Variants in TMEM101 observed in about 807,000 individuals in gnomAD.
The protein encoded by TMEM101 is transmembrane protein 101, also known as putative NF-kappa-B-activating protein 130.
A neutral mutation model predicts 26.0 loss-of-function variants in TMEM101; 14 were observed. The observed-to-expected ratio is 0.54, with a 90% confidence interval of 0.36 to 0.84. TMEM101 has a LOEUF of 0.84. Ranked by LOEUF, TMEM101 falls within the 40% of genes least tolerant of loss-of-function variation. The probability of loss-of-function intolerance (pLI) is 0.01; values close to 1 mark genes in which losing one functional copy is unlikely to be tolerated. For missense variants in TMEM101, 292 were observed against 345.1 expected (o/e 0.85, Z 1.22); for synonymous variants, 152 against 145.1 (o/e 1.05, Z -0.34).
chr17:44,023,018 GAT>G, intron 1 of TMEM101: 1 of 282,432 alleles, frequency 3.5e-6, no homozygotes, highest in Non-Finnish European at 6.8e-6. Flanking sequence ...AGGGAAAAGA[GAT>G]ATATATATTT....
chr17:44,022,601 T>G (rs796171383), intron 1 of TMEM101, among the ~76,000 whole-genome samples: 1 of 152,202 alleles, frequency 6.6e-6, no homozygotes, highest in Admixed American at 6.5e-5. Flanking sequence ...CAGCATCCCC[T>G]TTACCAACTG....
chr17:44,015,078 G>T (rs780359026), upstream of TMEM101: 14 of 1,349,492 alleles, frequency 1.0e-5, no homozygotes, highest in Non-Finnish European at 1.4e-5. Flanking sequence ...TCATTCTCTA[G>T]TTCCGGATCT....
upstream of TMEM101, among the ~76,000 whole-genome samples, chr17:44,016,174 GC>G (rs1407611394): frequency 1.3e-5 from 2 of 151,520 alleles, no homozygotes; most frequent in South Asian, 2.1e-4. Flanking sequence ...ACATATATAT[GC>G]TTTTTTTTTA....
At chr17:44,014,322 C>G (rs1380787787) in intron 2 of TMEM101, 35 bp downstream of exon 2, 10 of 1,535,246 alleles carry the variant, frequency 6.5e-6, no homozygotes. Context: ...CCCCGTCACC[C>G]AGAGGGAAGA....
chr17:44,012,330 G>A (rs1231758323), intron 3 of TMEM101, 94 bp from the exon 4 acceptor site: 7 of 1,220,906 alleles, frequency 5.7e-6, no homozygotes, highest in Non-Finnish European at 7.9e-6. Flanking sequence ...ATGAGTCCCT[G>A]CAGATGGGCT....
At position 44,013,172 on chromosome 17, in the gene TMEM101, G is replaced by C. The variant is rs2049184853; in HGVS notation, c.319-17C>G. ...CATACGGACCTAGGCCGGGGTAAGGGGACCCCAGTCAAGAACTGCAGCCGC... is the reference window on the plus strand; with the variant it reads ...CATACGGACCTAGGCCGGGGTAAGGCGACCCCAGTCAAGAACTGCAGCCGC... On this transcript the variant is annotated splice_polypyrimidine_tract_variant and intron_variant, in intron 2 of 3. Coordinates refer to ENST00000206380, the MANE Select transcript of TMEM101 (RefSeq NM_032376.4). The C allele has an allele frequency of 6.6e-7, 1 of 1,526,010 alleles. No individual in the cohort carries two copies. Among genetic ancestry groups the C allele is most frequent in the Admixed American group, 1.8e-5 (1 of 54,198 alleles). The allele number at this position is 1,526,010 out of a possible 1,614,324, so 94.5% of individuals were successfully genotyped here. A position where few individuals can be genotyped will look rare whatever the true frequency, so the allele number is the denominator to read the frequency against.
intron 2 of TMEM101, 120 bp downstream of exon 2, chr17:44,014,237 T>C (rs950996514): frequency 1.5e-5 from 19 of 1,245,936 alleles, no homozygotes; most frequent in Non-Finnish European, 2.0e-5. Flanking sequence ...GGTTCGAACC[T>C]CCCAGGCTTC....
chr17:44,017,742 G>A (rs1364995817), upstream of TMEM101, among the ~76,000 whole-genome samples: 5 of 148,232 alleles, frequency 3.4e-5, no homozygotes, highest in Non-Finnish European at 3.0e-5. Context: ...CAGCCTGGGC[G>A]ACAAGAGCGA....
upstream of TMEM101, among the ~76,000 whole-genome samples, chr17:44,015,508 C>T (rs796434584): frequency 7.9e-5 from 12 of 152,314 alleles, 2 homozygotes; most frequent in African/African-American, 2.9e-4. Context: ...ATTCTCCTGC[C>T]TCAGCCTCCT....
upstream of TMEM101, chr17:44,019,262 G>C (rs889166999): frequency 5.0e-6 from 2 of 403,590 alleles, no homozygotes; most frequent in Non-Finnish European, 9.8e-6. Flanking sequence ...TTCACCACCA[G>C]ACTGGGAAGC....
upstream of TMEM101, chr17:44,019,371 G>A (rs139916470): frequency 2.9e-3 from 1,248 of 434,422 alleles, 17 homozygotes; most frequent in African/African-American, 0.023. Flanking sequence ...CTCCAGAGTC[G>A]GCCACTCGTC....
At position 44,012,150 on chromosome 17, in the gene TMEM101, G is replaced by A. The variant is rs751760680; in HGVS notation, c.552C>T (p.Phe184=). The change falls in exon 4 of 4, where the codon TTC becomes TTT. Residue 184 remains phenylalanine (F), a synonymous_variant. Transcript: ENST00000206380. ...CCAGGGCCAGGATGCCATACAGCAC[G>A]AAGAACAGCTGGATCATCAGCTCCC... is the stretch of plus-strand genomic sequence containing the variant. ...PGGELMIQLF[F]VLYGILALAF... 50 of 1,614,120 alleles carry A rather than the reference G, an allele frequency of 3.1e-5. No homozygotes were observed. The highest frequency in any genetic ancestry group is 1.3e-4 in the East Asian group (6 of 44,904).
chr17:44,017,436 C>CAA (rs71160077), upstream of TMEM101, among the ~76,000 whole-genome samples: 31,780 of 150,276 alleles, frequency 0.21, 3,650 homozygotes, highest in African/African-American at 0.28. Context: ...ACTAAAAATA[C>CAA]AAAAAAAATT....
chr17:44,017,379 T>C (rs562237872), upstream of TMEM101, among the ~76,000 whole-genome samples: 2 of 149,454 alleles, frequency 1.3e-5, no homozygotes, highest in Non-Finnish European at 3.0e-5. Flanking sequence ...GATCACGAGG[T>C]CAGGAGATCG....
chr17:44,020,265 C>A (rs1234721233), intron 2 of TMEM101, among the ~76,000 whole-genome samples: 1 of 152,142 alleles, frequency 6.6e-6, no homozygotes, highest in African/African-American at 2.4e-5. Flanking sequence ...GGTATTGCCA[C>A]CTGTAGGATT....
Position 44,012,092 on chromosome 17 carries a change from C to A in TMEM101, c.610G>T (p.Ala204Ser). The change falls in exon 4 of 4, where the codon GCC (alanine) becomes TCC (serine). Residue 204 changes from alanine (A) to serine (S), a missense_variant. Physicochemically the swap from Ala to Ser is moderately conservative, Grantham distance 99. Transcript: ENST00000206380. Reference sequence around the variant, plus strand: ...GGCAGCAGTACAGCCAGGATCTGGGCAGCGAGGGTCACGTAGTAGCCTGAC... The same window carrying A: ...GGCAGCAGTACAGCCAGGATCTGGGAAGCGAGGGTCACGTAGTAGCCTGAC... ...FLSGYYVTLAAQILAVLLPPV... is the reference protein window; with the variant it reads ...FLSGYYVTLASQILAVLLPPV... The A allele has an allele frequency of 6.2e-7, 1 of 1,614,230 alleles. No homozygotes were observed. The highest frequency in any genetic ancestry group is 1.1e-5 in the South Asian group (1 of 91,084).
upstream of TMEM101, among the ~76,000 whole-genome samples, chr17:44,019,921 C>T (rs2049271078): frequency 6.6e-6 from 1 of 152,188 alleles, no homozygotes; most frequent in African/African-American, 2.4e-5. Flanking sequence ...AGGGGCAAAC[C>T]TTTCCTTGGG....
rs1285949405 is a variant in TMEM101, at chr17:44,012,008, C to T, written c.694G>A (p.Glu232Lys). ...VAYWHNTRRV[E>K]FWNQMKLLGE... ...AGGAGCTTCATCTGGTTCCAGAACTCAACACGCCGCGTGTTGTGCCAGTAA... is the reference window on the plus strand; with the variant it reads ...AGGAGCTTCATCTGGTTCCAGAACTTAACACGCCGCGTGTTGTGCCAGTAA... The change falls in exon 4 of 4, where the codon GAG (glutamate) becomes AAG (lysine). Residue 232 changes from glutamate (E) to lysine (K), a missense_variant. Coordinates refer to ENST00000206380, the MANE Select transcript of TMEM101 (RefSeq NM_032376.4). 1 of 1,614,050 alleles carries T rather than the reference C, an allele frequency of 6.2e-7. No homozygotes were observed. Among genetic ancestry groups the T allele is most frequent in the East Asian group, 2.2e-5 (1 of 44,898 alleles).
At chr17:44,013,258 T>C in intron 2 of TMEM101, 103 bp from the exon 3 acceptor site, 1 of 1,167,664 alleles carries the variant, frequency 8.6e-7, no homozygotes, top group Non-Finnish European at 1.1e-6. Context: ...CCATTCCATC[T>C]GATGAACCCT....
Sources: allele counts gnomAD v4.1 joint callset (sites outside exome capture counted in the v4.1 genomes callset), GRCh38; gene constraint gnomAD v4.1.1; transcripts MANE v1.5; gene names NCBI Gene and HGNC (gene_info 2026-07-23, HGNC 2026-07-21).